ZNF749: variants seen among roughly 807,000 people sequenced by gnomAD.
ZNF749 encodes the protein zinc finger protein 749.
ZNF749 carries 8 observed loss-of-function variants against 7.3 expected under a neutral mutation model. That is an observed-to-expected ratio of 1.10 (90% CI 0.64 to 1.98). ZNF749 has a LOEUF of 1.98. Among genes scored for constraint, ZNF749 ranks in the 30% most tolerant of loss-of-function variants. The pLI, the probability that ZNF749 is intolerant of heterozygous loss-of-function variation, is 0.00. For synonymous variants in ZNF749, 310 were observed against 322.4 expected, an observed-to-expected ratio of 0.96 and a Z score of 0.41; for missense variants, 898 against 932.4, an observed-to-expected ratio of 0.96 and a Z score of 0.48.
rs1008208253 is a variant in ZNF749, at chr19:57,439,967, C to G, written c.16-1918C>G. On this transcript the variant is annotated intron_variant, in intron 1 of 2. Coordinates refer to ENST00000334181, the MANE Select transcript of ZNF749 (RefSeq NM_001023561.4). The surrounding 1 kb of genome is among the most constrained non-coding windows in gnomAD (Gnocchi z 4.3). ...GTTAGTAGGAAGGAAGGAGAAGGAA[C>G]AGACTGAGGACTGGGTGTCTCCACT... 6.6e-6 allele frequency among the ~76,000 whole-genome samples: 1 copy of G among 152,066 alleles called. No individual in the cohort carries two copies. Among genetic ancestry groups the G allele is most frequent in the Admixed American group, 6.6e-5 (1 of 15,262 alleles).
the ZNF749 span, among the ~76,000 whole-genome samples, chr19:57,429,779 G>A: frequency 6.6e-6 from 1 of 152,124 alleles, no homozygotes; most frequent in Non-Finnish European, 1.5e-5. The surrounding 1 kb of genome is among the most constrained non-coding windows in gnomAD (Gnocchi z 4.2). Context: ...CTCCTGAGTA[G>A]CTGAGACCAC....
At chr19:57,428,985 G>GTA in the ZNF749 span, among the ~76,000 whole-genome samples, 1 of 152,056 alleles carries the variant, frequency 6.6e-6, no homozygotes, top group Non-Finnish European at 1.5e-5. Flanking sequence ...ATATTCCATT[G>GTA]TATATATATT....
intron 1 of ZNF749, chr19:57,437,866 G>T (rs1202750882): frequency 2.6e-6 from 1 of 390,050 alleles, no homozygotes; most frequent in African/African-American, 2.1e-5. Context: ...GTCAATATGA[G>T]CCCTGTGAAG....
At chr19:57,428,715 G>A in the ZNF749 span, 6 of 152,176 alleles carry the variant, frequency 3.9e-5, no homozygotes, top group Non-Finnish European at 5.9e-5. Context: ...GAGCGTTTAA[G>A]TGTATGGGAA....
chr19:57,440,720 G>A (rs1309159198), intron 1 of ZNF749, among the ~76,000 whole-genome samples: 2 of 152,078 alleles, frequency 1.3e-5, no homozygotes, highest in African/African-American at 2.4e-5. Flanking sequence ...GTGAGGAGGA[G>A]CATGAATGCG....
At position 57,441,953 on chromosome 19, in the gene ZNF749, T is replaced by C. The variant is rs749662480; in HGVS notation, c.84T>C (p.Ala28=). 2.5e-6 allele frequency: 4 copies of C among 1,614,172 alleles called. No homozygotes were observed. Among genetic ancestry groups the C allele is most frequent in the Non-Finnish European group, 3.4e-6 (4 of 1,180,024 alleles). The change falls in exon 2 of 3, where the codon GCT becomes GCC. Residue 28 remains alanine (A), a synonymous_variant. Coordinates refer to ENST00000334181, the MANE Select transcript of ZNF749 (RefSeq NM_001023561.4). ...AGGAATGGGGGATCCTTAATGATGC[T>C]CAGAGACACCTGCACAGCAATGTGA... ...SQEEWGILND[A]QRHLHSNVML...
chr19:57,435,553 T>C lies in ZNF749; in HGVS notation c.-26T>C. ...CCGCCGTTCCCGCCCCGCTCTTCCC[T>C]GGGTGGACTGGAGGAGGCCGCGCCG... is the stretch of plus-strand genomic sequence containing the variant. On this transcript the variant is annotated 5_prime_UTR_variant, in exon 1 of 3. Coordinates refer to ENST00000334181, the MANE Select transcript of ZNF749 (RefSeq NM_001023561.4). The C allele has an allele frequency of 6.2e-7, 1 of 1,602,000 alleles. No individual in the cohort carries two copies. Among genetic ancestry groups the C allele is most frequent in the Non-Finnish European group, 8.5e-7 (1 of 1,175,844 alleles).
Position 57,442,119 on chromosome 19 carries a change from T to C in ZNF749, c.142+108T>C. 1 of 1,437,174 alleles carries C rather than the reference T, an allele frequency of 7.0e-7. No individual in the cohort carries two copies. The highest frequency in any genetic ancestry group is 9.5e-7 in the Non-Finnish European group (1 of 1,057,842). 89.0% of individuals were successfully genotyped at this position (1,437,174 alleles called of 1,614,324 possible). A position where few individuals can be genotyped will look rare whatever the true frequency, so the allele number is the denominator to read the frequency against. On this transcript the variant is annotated intron_variant, in intron 2 of 2. Coordinates refer to ENST00000334181, the MANE Select transcript of ZNF749 (RefSeq NM_001023561.4). The surrounding 1 kb of genome is among the most constrained non-coding windows in gnomAD (Gnocchi z 6.6). ...ACCAGATTGTGAGTGCTACGTCCTG[T>C]CCTCTCCTGGTTTCCTGGCAAATGT... is the stretch of plus-strand genomic sequence containing the variant.
At chr19:57,434,128 G>A (rs1250011077), upstream of ZNF749, among the ~76,000 whole-genome samples, 1 of 152,048 alleles carries the variant, frequency 6.6e-6, no homozygotes, top group Non-Finnish European at 1.5e-5. Flanking sequence ...ACGGAGTTTC[G>A]CTCTTGTTGC....
chr19:57,430,325 A>G (rs1281043908), upstream of ZNF749, among the ~76,000 whole-genome samples: 1 of 152,208 alleles, frequency 6.6e-6, no homozygotes, highest in African/African-American at 2.4e-5. Flanking sequence ...AGGGAATAAG[A>G]ACCCATTCTT....
intron 1 of ZNF749, 127 bp downstream of exon 1, chr19:57,435,720 A>G: frequency 6.8e-7 from 1 of 1,469,630 alleles, no homozygotes; most frequent in Non-Finnish European, 9.1e-7. Context: ...GGTGCCCGGG[A>G]CTGGGACTGC....
upstream of ZNF749, among the ~76,000 whole-genome samples, chr19:57,433,002 T>C (rs1016672171): frequency 5.9e-5 from 9 of 151,978 alleles, no homozygotes; most frequent in Non-Finnish European, 1.2e-4. Context: ...TCATCCACAA[T>C]CTCTTGCACT....
rs1038434068 is a variant in ZNF749, at chr19:57,439,611, G to T, written c.16-2274G>T. ...CTGTCCCTACAAATAATAATAAATA[G>T]CTGGGTGTGGTGGCGTCTCTCTGTG... is the stretch of plus-strand genomic sequence containing the variant. On this transcript the variant is annotated intron_variant, in intron 1 of 2. Transcript: ENST00000334181. The surrounding 1 kb of genome is among the most constrained non-coding windows in gnomAD (Gnocchi z 4.3). Among the ~76,000 whole-genome samples the T allele has an allele frequency of 2.6e-5, 4 of 151,862 alleles. No homozygotes were observed. The East Asian group carries it at 7.7e-4, about 29-fold the overall frequency.
chr19:57,439,493 C>T lies in ZNF749; in HGVS notation c.16-2392C>T, dbSNP rs1364499362. 6.6e-6 allele frequency among the ~76,000 whole-genome samples: 1 copy of T among 152,096 alleles called. No homozygotes were observed. The highest frequency in any genetic ancestry group is 2.4e-5 in the African/African-American group (1 of 41,392). ...GGCCAAGTCAAAAATGTTCCAGTGG[C>T]CAGGCATGGTGGATCACACCTGTAA... On this transcript the variant is annotated intron_variant, in intron 1 of 2. Coordinates refer to ENST00000334181, the MANE Select transcript of ZNF749 (RefSeq NM_001023561.4). This position sits in a 1 kb window ranked among gnomAD's most constrained non-coding sequence, Gnocchi z 4.3.
At chr19:57,441,753 C>T (rs4801483) in intron 1 of ZNF749, 132 bp from the exon 2 acceptor site, 789,887 of 1,071,140 alleles carry the variant, frequency 0.74, 292,680 homozygotes, top group African/African-American at 0.88. Context: ...GGATCTGGAT[C>T]GCAAGGGAAA....
rs2088995414 is a variant in ZNF749, at chr19:57,441,982, T to C, written c.113T>C (p.Leu38Ser). The C allele has an allele frequency of 6.2e-7, 1 of 1,614,122 alleles. No homozygotes were observed. The highest frequency in any genetic ancestry group is 8.5e-7 in the Non-Finnish European group (1 of 1,180,006). ...AQRHLHSNVM[L>S]ENFALLSSVG... is the part of the protein sequence containing the mutation. ...AGACACCTGCACAGCAATGTGATGTTGGAGAACTTTGCGCTTTTGTCATCA... is the reference window on the plus strand; with the variant it reads ...AGACACCTGCACAGCAATGTGATGTCGGAGAACTTTGCGCTTTTGTCATCA... Residue 38 changes from leucine to serine, a missense_variant, in exon 2 of 3, where the codon TTG becomes TCG. By Grantham distance (145) the Leu-to-Ser change is moderately radical (BLOSUM62 -2). Coordinates refer to ENST00000334181, the MANE Select transcript of ZNF749 (RefSeq NM_001023561.4).
rs2088997154 is a variant in ZNF749, at chr19:57,442,085, C to T, written c.142+74C>T. ...TTGCTCTTTTCCATGACAACTCTGT[C>T]TTTCCCACACCAGATTGTGAGTGCT... On this transcript the variant is annotated intron_variant, in intron 2 of 2. Coordinates refer to ENST00000334181, the MANE Select transcript of ZNF749 (RefSeq NM_001023561.4). The surrounding 1 kb of genome is among the most constrained non-coding windows in gnomAD (Gnocchi z 6.6). 1.2e-5 allele frequency: 18 copies of T among 1,564,928 alleles called. 1 individual carries two copies. In the South Asian group the frequency reaches 2.1e-4, roughly 19 times the overall value.
rs2089013431 is a variant in ZNF749, at chr19:57,443,347, A to G, written c.199A>G (p.Arg67Gly). Residue 67 changes from arginine (R) to glycine (G), a missense_variant, in exon 3 of 3, where the codon AGA (arginine) becomes GGA (glycine). By Grantham distance (125) the Arg-to-Gly change is moderately radical (BLOSUM62 -2). Coordinates refer to ENST00000334181, the MANE Select transcript of ZNF749 (RefSeq NM_001023561.4). ...EVPSKQCVSV[R>G]VLQVTIPKPA... ...ACCTTCCAAGCAGTGTGTTTCTGTA[A>G]GAGTGTTACAGGTCACAATTCCAAA... 6.2e-7 allele frequency: 1 copy of G among 1,614,074 alleles called. No homozygotes were observed. Among genetic ancestry groups the G allele is most frequent in the African/African-American group, 1.3e-5 (1 of 75,078 alleles).
At position 57,442,018 on chromosome 19, in the gene ZNF749, C is replaced by G. The variant is rs1332439584; in HGVS notation, c.142+7C>G. 1.2e-6 allele frequency: 2 copies of G among 1,613,198 alleles called. No individual in the cohort carries two copies. Among genetic ancestry groups the G allele is most frequent in the South Asian group, 2.2e-5 (2 of 90,852 alleles). On this transcript the variant is annotated splice_region_variant and intron_variant, in intron 2 of 2. Transcript: ENST00000334181. The surrounding 1 kb of genome is among the most constrained non-coding windows in gnomAD (Gnocchi z 6.6). ...GCGCTTTTGTCATCAGTAGGTAAGG[C>G]CTTCATACCTACTCTGGTGTCTTGT...
Sources: gnomAD v4.1 joint callset for allele counts (sites outside exome capture counted in the v4.1 genomes callset) on GRCh38, gnomAD v4.1.1 for gene constraint, Gnocchi (gnomAD v3.1) non-coding constraint, MANE v1.5 for transcripts, NCBI Gene and HGNC (gene_info 2026-07-23, HGNC 2026-07-21) for gene names.